NEBL: variants seen among roughly 807,000 people sequenced by gnomAD.
NEBL encodes LIM and SH3 protein 2.
A neutral mutation model predicts 140.2 loss-of-function variants in NEBL; 122 were observed. The observed-to-expected ratio is 0.87, with a 90% CI of 0.75 to 1.01. NEBL has a LOEUF of 1.01. Ranked by LOEUF, NEBL falls within the 50% of genes least tolerant of loss-of-function variation. The probability of loss-of-function intolerance (pLI) is 0.00; values close to 1 mark genes in which losing one functional copy is unlikely to be tolerated. For missense variants in NEBL, 1,365 were observed against 1,231.3 expected (o/e 1.11, Z -1.62); for synonymous variants, 436 against 398.9 (o/e 1.09, Z -1.11).
At chr10:21,033,454 G>A (rs1303739285) in intron 2 of NEBL, among the ~76,000 whole-genome samples, 1 of 152,162 alleles carries the variant, frequency 6.6e-6, no homozygotes, top group Non-Finnish European at 1.5e-5. Context: ...GTACATAAAT[G>A]TGTAAATGTT....
intron 16 of NEBL, among the ~76,000 whole-genome samples, chr10:20,829,623 T>C (rs187806028): frequency 6.6e-6 from 1 of 152,252 alleles, no homozygotes; most frequent in African/African-American, 2.4e-5. Context: ...GTAACTACTA[T>C]TCATGTTGAA....
chr10:21,217,730 T>G (rs901082091), intron 3 of NEBL, among the ~76,000 whole-genome samples: 1 of 152,212 alleles, frequency 6.6e-6, no homozygotes, highest in Non-Finnish European at 1.5e-5. Context: ...TTTGTGACAA[T>G]TCTGCCACAA....
At chr10:21,078,307 A>C (rs1303082911) in intron 2 of NEBL, among the ~76,000 whole-genome samples, 2 of 152,248 alleles carry the variant, frequency 1.3e-5, no homozygotes, top group Non-Finnish European at 2.9e-5. Flanking sequence ...TTTAACAGCC[A>C]GTAGAATGTA....
chr10:20,981,167 A>G (rs1837023771), intron 3 of NEBL, among the ~76,000 whole-genome samples: 1 of 152,238 alleles, frequency 6.6e-6, no homozygotes, highest in South Asian at 2.1e-4. Flanking sequence ...CTTACAACGT[A>G]GTACCTGGTC....
At chr10:21,222,648 A>G (rs10828217) in intron 3 of NEBL, among the ~76,000 whole-genome samples, 42,905 of 152,012 alleles carry the variant, frequency 0.28, 10,980 homozygotes, top group African/African-American at 0.69. Context: ...GGGTACATGA[A>G]ATATTTTGAT....
chr10:20,811,580 C>T (rs1275350258), intron 24 of NEBL, among the ~76,000 whole-genome samples: 1 of 149,774 alleles, frequency 6.7e-6, no homozygotes, highest in African/African-American at 2.6e-5. Flanking sequence ...GTTTGGAATC[C>T]TTCTTCAGAA....
In NEBL at chr10:20,962,553, G is replaced by A. The variant is rs16921284; in HGVS notation, c.250-774C>T. The stretch of plus-strand genomic sequence containing the variant: ...TGGAGCTGAATTTTACTGTTTCCTC[G>A]GAGGACTGGAACAGCTAATGCTTCA... On this transcript the variant is annotated intron_variant, in intron 3 of 6. Coordinates refer to the NEBL transcript ENST00000417816. 8.2e-3 allele frequency among the ~76,000 whole-genome samples: 1,248 copies of A among 152,098 alleles called. 15 individuals carry two copies. The highest frequency in any genetic ancestry group is 0.023 in the African/African-American group (965 of 41,484).
intron 3 of NEBL, among the ~76,000 whole-genome samples, chr10:21,215,755 G>C (rs1400498138): frequency 6.6e-6 from 1 of 152,102 alleles, no homozygotes; most frequent in Non-Finnish European, 1.5e-5. Flanking sequence ...CAACCTCCCA[G>C]GCTCAGTTGA....
intron 1 of NEBL, among the ~76,000 whole-genome samples, chr10:21,261,899 G>C (rs1378566143): frequency 6.6e-6 from 1 of 152,078 alleles, no homozygotes; most frequent in Non-Finnish European, 1.5e-5. Flanking sequence ...CTGTTGCCAT[G>C]GTTCACTCAG....
At chr10:20,939,081 C>A (rs1834683091) in intron 4 of NEBL, among the ~76,000 whole-genome samples, 1 of 152,098 alleles carries the variant, frequency 6.6e-6, no homozygotes, top group Non-Finnish European at 1.5e-5. Context: ...TCAGGAAATA[C>A]AGAGAACACC....
intron 3 of NEBL, among the ~76,000 whole-genome samples, chr10:20,995,281 G>A (rs1023017810): frequency 6.6e-6 from 1 of 152,166 alleles, no homozygotes; most frequent in African/African-American, 2.4e-5. Context: ...AAAAAATGAT[G>A]TTTCCAGTCC....
At chr10:21,112,943 T>C in intron 2 of NEBL, 1 of 367,406 alleles carries the variant, frequency 2.7e-6, no homozygotes, top group East Asian at 8.4e-5. Context: ...AACTCTTAAG[T>C]GTAACTGGAA....
chr10:20,819,214 T>C, intron 20 of NEBL: 1 of 923,996 alleles, frequency 1.1e-6, no homozygotes, highest in Non-Finnish European at 1.5e-6. Context: ...CTCTCCCTCC[T>C]CCCATCCTCT....
intron 2 of NEBL, among the ~76,000 whole-genome samples, chr10:21,038,495 AC>A (rs1834111269): frequency 2.1e-5 from 2 of 96,656 alleles, no homozygotes; most frequent in Non-Finnish European, 4.7e-5. Context: ...GTTTGCTAAG[AC>A]TGATGGCTTA....
chr10:21,041,659 G>C (rs939167257), intron 2 of NEBL, among the ~76,000 whole-genome samples: 1 of 151,800 alleles, frequency 6.6e-6, no homozygotes, highest in Non-Finnish European at 1.5e-5. Context: ...TATTATTATT[G>C]AAAGCAAGTT....
intron 11 of NEBL, among the ~76,000 whole-genome samples, chr10:20,847,421 C>A (rs1265700164): frequency 6.6e-6 from 1 of 152,082 alleles, no homozygotes; most frequent in Non-Finnish European, 1.5e-5. Context: ...TATCTAAAAT[C>A]CCAAATCATA....
intron 4 of NEBL, among the ~76,000 whole-genome samples, chr10:20,885,880 C>T (rs1050647397): frequency 2.6e-5 from 4 of 152,106 alleles, no homozygotes; most frequent in Non-Finnish European, 4.4e-5. Context: ...CCATGCAGAA[C>T]GTTGACATCA....
intron 4 of NEBL, among the ~76,000 whole-genome samples, chr10:20,909,589 C>G (rs1848244491): frequency 6.6e-6 from 1 of 152,016 alleles, no homozygotes; most frequent in Non-Finnish European, 1.5e-5. Context: ...TAAGTAGGAT[C>G]TAATACATAA....
At chr10:21,061,248 ATAT>A (rs1347676147) in intron 2 of NEBL, among the ~76,000 whole-genome samples, 2 of 146,984 alleles carry the variant, frequency 1.4e-5, no homozygotes, top group Admixed American at 6.8e-5. Context: ...GATATATTAC[ATAT>A]TATGTGATAT....
Sources: allele counts gnomAD v4.1 joint callset (sites outside exome capture counted in the v4.1 genomes callset), GRCh38; gene constraint gnomAD v4.1.1; transcripts MANE v1.5; gene names NCBI Gene and HGNC (gene_info 2026-07-23, HGNC 2026-07-21).